MBTD1: variants seen among roughly 807,000 people sequenced by gnomAD.
MBTD1 encodes the protein MBT domain-containing protein 1.
In MBTD1, 24 loss-of-function variants were observed where a neutral mutation model predicts 87.8. That is an observed-to-expected ratio of 0.27 (90% confidence interval 0.20 to 0.38). MBTD1 has a LOEUF of 0.38. Among genes scored for constraint, MBTD1 ranks in the 10% least tolerant of loss-of-function variants. The probability of loss-of-function intolerance (pLI) is 1.00; values close to 1 mark genes in which losing one functional copy is unlikely to be tolerated. For synonymous variants in MBTD1, 237 were observed against 248.6 expected (o/e 0.95, Z 0.44); for missense variants, 436 against 760.2 (o/e 0.57, Z 5.02).
chr17:51,215,029 T>C (rs1355308151), intron 6 of MBTD1, among the ~76,000 whole-genome samples: 3 of 152,214 alleles, frequency 2.0e-5, no homozygotes, highest in Non-Finnish European at 4.4e-5. Flanking sequence ...CAAATGAATA[T>C]GCCAGTTAAG....
rs182035111 is a variant in MBTD1 at position 51,251,746 on chromosome 17, C to T, written c.-49+7397G>A. 3.2e-4 allele frequency: 48 copies of T among 152,320 alleles called. No homozygotes were observed. In the East Asian group the frequency reaches 5.0e-3, roughly 16 times the overall value. The allele number at this position is 152,320 out of a possible 1,614,324, so 9.4% of individuals were successfully genotyped here. A position where few individuals can be genotyped will look rare whatever the true frequency, so the allele number is the denominator to read the frequency against. On this transcript the variant is annotated intron_variant, in intron 2 of 16. Coordinates refer to ENST00000586178, the MANE Select transcript of MBTD1 (RefSeq NM_017643.3). ...GTGAGTTGAACTCTTAAACACATTT[C>T]GTCCTATAGGAGTTTATTTGTAAAT...
intron 2 of MBTD1, among the ~76,000 whole-genome samples, chr17:51,255,115 T>C (rs2055008476): frequency 6.6e-6 from 1 of 152,018 alleles, no homozygotes; most frequent in Non-Finnish European, 1.5e-5. Flanking sequence ...ACCCCACCTC[T>C]ACTAAAAATA....
Position 51,179,489 on chromosome 17 carries a change from TATA to T in MBTD1, c.*1084_*1086del, listed in dbSNP as rs1568135554. On this transcript the variant is annotated 3_prime_UTR_variant, in exon 17 of 17. Coordinates refer to ENST00000586178, the MANE Select transcript of MBTD1 (RefSeq NM_017643.3). Reference sequence around the variant, plus strand: ...GAATACAATTAAAGACAATTTTATATATATATATATATATATATATATATATAT... The same window carrying T: ...GAATACAATTAAAGACAATTTTATATTATATATATATATATATATATATAT... The T allele has an allele frequency of 3.7e-4, 7 of 18,986 alleles. No individual in the cohort carries two copies. The highest frequency in any genetic ancestry group is 2.1e-3 in the South Asian group (1 of 484). The allele number at this position is 18,986 out of a possible 1,614,324, so 1.2% of individuals were successfully genotyped here. A position where few individuals can be genotyped will look rare whatever the true frequency, so the allele number is the denominator to read the frequency against.
At chr17:51,258,379 A>C (rs1005427917) in intron 2 of MBTD1, among the ~76,000 whole-genome samples, 30 of 152,210 alleles carry the variant, frequency 2.0e-4, no homozygotes, top group African/African-American at 6.0e-4. Flanking sequence ...CAATAGTTTC[A>C]ACTATCTCAA....
At chr17:51,257,932 G>T (rs2055185160) in intron 2 of MBTD1, among the ~76,000 whole-genome samples, 1 of 151,450 alleles carries the variant, frequency 6.6e-6, no homozygotes, top group Non-Finnish European at 1.5e-5. Context: ...GCCATAATTT[G>T]CAAGGTACTC....
At chr17:51,207,100 T>G in intron 6 of MBTD1, 95 bp from the exon 7 acceptor site, 1 of 610,620 alleles carries the variant, frequency 1.6e-6, no homozygotes, top group Non-Finnish European at 2.8e-6. Flanking sequence ...ATAGGAATAT[T>G]AAACTAAAAA....
At chr17:51,259,742 C>G (rs1292900628) in intron 1 of MBTD1, 93 bp downstream of exon 1, 7 of 1,147,568 alleles carry the variant, frequency 6.1e-6, no homozygotes, top group Non-Finnish European at 7.7e-6. Context: ...GGCCAGGGAG[C>G]GGGGTCAGGG....
intron 6 of MBTD1, among the ~76,000 whole-genome samples, chr17:51,216,700 A>G (rs926277906): frequency 6.6e-6 from 1 of 152,206 alleles, no homozygotes; most frequent in Non-Finnish European, 1.5e-5. Flanking sequence ...GTCAAATCGT[A>G]TGACATTGTC....
rs368805446 is a variant in MBTD1, at chr17:51,237,295, C to CAAAAAA, written c.-48-12092_-48-12087dup. ...TGGGTGATGGTGTGAGACTCCATCT[C>CAAAAAA]AAAAAAAAAAAAAAAAAAAAGAAAA... is the stretch of plus-strand genomic sequence containing the variant. On this transcript the variant is annotated intron_variant, in intron 2 of 16. Transcript: ENST00000586178. Among the ~76,000 whole-genome samples the CAAAAAA allele has an allele frequency of 2.8e-3, 159 of 56,048 alleles. 1 individual carries two copies. Among genetic ancestry groups the CAAAAAA allele is most frequent in the Non-Finnish European group, 3.2e-3 (81 of 25,136 alleles). 36.8% of individuals were successfully genotyped at this position (56,048 alleles called of 152,430 possible). A position where few individuals can be genotyped will look rare whatever the true frequency, so the allele number is the denominator to read the frequency against.
chr17:51,206,684 G>A (rs2051859556), intron 7 of MBTD1, among the ~76,000 whole-genome samples: 1 of 152,090 alleles, frequency 6.6e-6, no homozygotes, highest in Non-Finnish European at 1.5e-5. Context: ...TGATAGAGAC[G>A]GATAGCTGTG....
chr17:51,257,245 G>A (rs1260676194), intron 2 of MBTD1, among the ~76,000 whole-genome samples: 1 of 152,098 alleles, frequency 6.6e-6, no homozygotes, highest in East Asian at 1.9e-4. Flanking sequence ...GAAACCCTCA[G>A]ACTAATGATA....
At chr17:51,217,111 T>A (rs1257940467) in intron 6 of MBTD1, among the ~76,000 whole-genome samples, 2 of 152,102 alleles carry the variant, frequency 1.3e-5, no homozygotes, top group Non-Finnish European at 2.9e-5. Flanking sequence ...TTCTCCCTGT[T>A]TAAAATAACT....
chr17:51,181,045 T>C (rs1454285508), intron 16 of MBTD1, among the ~76,000 whole-genome samples: 4 of 141,772 alleles, frequency 2.8e-5, no homozygotes, highest in Non-Finnish European at 4.5e-5. Flanking sequence ...TTTTTTGAGA[T>C]GGAGTCTCAC....
At chr17:51,197,265 C>G (rs1007050067) in intron 12 of MBTD1, among the ~76,000 whole-genome samples, 3 of 150,648 alleles carry the variant, frequency 2.0e-5, no homozygotes, top group African/African-American at 7.3e-5. Flanking sequence ...CCACACCCGA[C>G]TTATTTTTGT....
At chr17:51,239,025 T>TGGA (rs1430200853) in intron 2 of MBTD1, among the ~76,000 whole-genome samples, 6 of 151,844 alleles carry the variant, frequency 4.0e-5, no homozygotes, top group African/African-American at 1.5e-4. Flanking sequence ...GCTTGAACTT[T>TGGA]GGAGGAGGAG....
intron 7 of MBTD1, among the ~76,000 whole-genome samples, chr17:51,206,434 T>G (rs1372169415): frequency 6.6e-6 from 1 of 152,156 alleles, no homozygotes; most frequent in Admixed American, 6.6e-5. Flanking sequence ...GTACCTCAAC[T>G]TTTGTTACTT....
chr17:51,181,412 A>C (rs1440868500), intron 16 of MBTD1, among the ~76,000 whole-genome samples: 1 of 151,816 alleles, frequency 6.6e-6, no homozygotes, highest in African/African-American at 2.4e-5. Flanking sequence ...TATAAATTAC[A>C]TAAGGATGTA....
At position 51,195,379 on chromosome 17, in the gene MBTD1, T is replaced by C; in HGVS notation, c.1225-18A>G. 6.4e-7 allele frequency: 1 copy of C among 1,555,762 alleles called. No homozygotes were observed. On this transcript the variant is annotated intron_variant, in intron 12 of 16. Transcript: ENST00000586178. ...GCTAGCACCTTTTCAATGAAGAGAA[T>C]TCTAAGTACTTGAAATTAGATACCA...
At chr17:51,238,246 T>TA (rs541352815) in intron 2 of MBTD1, among the ~76,000 whole-genome samples, 175 of 152,270 alleles carry the variant, frequency 1.1e-3, no homozygotes, top group African/African-American at 4.0e-3. Context: ...ATAAGGCTGT[T>TA]AAAAAAATCT....
Sources: allele counts gnomAD v4.1 joint callset (sites outside exome capture counted in the v4.1 genomes callset), GRCh38; gene constraint gnomAD v4.1.1; transcripts MANE v1.5; gene names NCBI Gene and HGNC (gene_info 2026-07-23, HGNC 2026-07-21).